Variants in ACYP2 observed in about 807,000 individuals in gnomAD.
ACYP2 encodes acylphosphatase-2.
ACYP2 carries 12 observed loss-of-function variants against 11.2 expected under a neutral mutation model. The ratio of observed to expected loss-of-function variants is 1.08; its 90% CI spans 0.69 to 1.74. The LOEUF (loss-of-function observed/expected upper bound fraction) is 1.74, where lower values mean the gene tolerates loss of function less well. ACYP2 is among the 40% of genes most tolerant of loss of function. The pLI is 0.00. For missense variants in ACYP2, 134 were observed against 101.9 expected (o/e 1.31, Z -1.35); for synonymous variants, 43 against 32.2 (o/e 1.33, Z -1.13).
At chr2:54,011,640 A>G (rs1673378460) in intron 2 of ACYP2, among the ~76,000 whole-genome samples, 1 of 152,208 alleles carries the variant, frequency 6.6e-6, no homozygotes, top group Admixed American at 6.5e-5. Flanking sequence ...GTCATTTAGC[A>G]ATAAGCTTTT....
At chr2:54,071,057 A>G (rs985137349) in intron 4 of ACYP2, among the ~76,000 whole-genome samples, 4 of 152,110 alleles carry the variant, frequency 2.6e-5, no homozygotes, top group African/African-American at 9.7e-5. Context: ...CGGCCTCAAA[A>G]GCTTTTCTTT....
chr2:54,009,988 C>G (rs1429599762), intron 2 of ACYP2, among the ~76,000 whole-genome samples: 1 of 152,102 alleles, frequency 6.6e-6, no homozygotes, highest in Non-Finnish European at 1.5e-5. Context: ...CAGCTTTAAC[C>G]TCAGTCCTAC....
At chr2:54,165,779 A>G (rs529102953) in intron 6 of ACYP2, among the ~76,000 whole-genome samples, 19 of 152,270 alleles carry the variant, frequency 1.2e-4, no homozygotes, top group African/African-American at 4.3e-4. Context: ...CCCAAGGGAA[A>G]GTCAGTGCAT....
At chr2:54,048,144 G>A (rs1454546674) in intron 2 of ACYP2, among the ~76,000 whole-genome samples, 2 of 152,040 alleles carry the variant, frequency 1.3e-5, no homozygotes, top group African/African-American at 4.8e-5. Context: ...AGTTTTTGTA[G>A]GCCAGGCGCA....
intron 6 of ACYP2, among the ~76,000 whole-genome samples, chr2:54,220,822 C>A (rs1685769424): frequency 6.6e-6 from 1 of 152,164 alleles, no homozygotes; most frequent in Admixed American, 6.5e-5. Flanking sequence ...ACCACAAGAT[C>A]TTTTCTTTCA....
intron 6 of ACYP2, among the ~76,000 whole-genome samples, chr2:54,139,384 A>C (rs978532897): frequency 1.3e-5 from 2 of 152,142 alleles, no homozygotes; most frequent in Non-Finnish European, 1.5e-5. Flanking sequence ...AATGAGCTGG[A>C]GGGTTACCAA....
chr2:54,012,298 G>A (rs1306617596), intron 2 of ACYP2, among the ~76,000 whole-genome samples: 2 of 150,646 alleles, frequency 1.3e-5, no homozygotes, highest in Non-Finnish European at 2.9e-5. Context: ...TTAAGTTTAG[G>A]AGTTCAAGAC....
intron 6 of ACYP2, among the ~76,000 whole-genome samples, chr2:54,257,048 T>C (rs553597178): frequency 3.2e-4 from 48 of 152,178 alleles, no homozygotes; most frequent in Admixed American, 5.9e-4. Flanking sequence ...ATTTTCCCCT[T>C]TACCTTAGTG....
chr2:54,255,338 C>T (rs755366945), intron 6 of ACYP2: 3 of 1,614,172 alleles, frequency 1.9e-6, no homozygotes, highest in Non-Finnish European at 2.5e-6. Context: ...CTTAACATCT[C>T]GGCATCTTGG....
intron 1 of ACYP2, among the ~76,000 whole-genome samples, chr2:53,973,197 G>A (rs990566807): frequency 6.6e-5 from 10 of 152,192 alleles, no homozygotes; most frequent in Non-Finnish European, 1.0e-4. Flanking sequence ...TTGATAAAGC[G>A]CATAAGAACA....
chr2:54,003,626 C>T (rs1161352711), intron 2 of ACYP2, among the ~76,000 whole-genome samples: 1 of 152,168 alleles, frequency 6.6e-6, no homozygotes, highest in African/African-American at 2.4e-5. Flanking sequence ...TTTATATATC[C>T]ATTTACCTAT....
chr2:54,041,485 C>A (rs115379325), intron 2 of ACYP2, among the ~76,000 whole-genome samples: 2,196 of 152,108 alleles, frequency 0.014, 28 homozygotes, highest in African/African-American at 0.033. Context: ...AATAAAAGGG[C>A]CAGGGAAATT....
At chr2:54,019,242 A>C (rs1330819638) in intron 2 of ACYP2, among the ~76,000 whole-genome samples, 2 of 150,680 alleles carry the variant, frequency 1.3e-5, no homozygotes, top group Non-Finnish European at 3.0e-5. Context: ...AATTTTTAAA[A>C]ATATTTTTTG....
chr2:54,273,878 G>A (rs745806859), intron 6 of ACYP2, among the ~76,000 whole-genome samples: 3 of 152,152 alleles, frequency 2.0e-5, no homozygotes, highest in Non-Finnish European at 4.4e-5. Context: ...ACTACCAATA[G>A]TTACAAACAA....
intron 6 of ACYP2, among the ~76,000 whole-genome samples, chr2:54,161,044 T>C (rs1682687432): frequency 1.3e-5 from 2 of 152,220 alleles, no homozygotes; most frequent in South Asian, 4.1e-4. Context: ...CGTAAATTCT[T>C]GGGGTCCACA....
intron 6 of ACYP2, among the ~76,000 whole-genome samples, chr2:54,248,306 ATTAT>A (rs966401648): frequency 1.3e-5 from 2 of 152,210 alleles, no homozygotes; most frequent in Admixed American, 6.5e-5. Flanking sequence ...TTAGCCAATT[ATTAT>A]TTATTGACCA....
chr2:54,070,325 A>G (rs2103646606), intron 4 of ACYP2, among the ~76,000 whole-genome samples: 2 of 152,178 alleles, frequency 1.3e-5, no homozygotes, highest in South Asian at 4.2e-4. Flanking sequence ...TCTGCTCTGC[A>G]GGTGTCCAGT....
At chr2:54,058,928 T>A (rs957560959) in intron 4 of ACYP2, among the ~76,000 whole-genome samples, 10 of 152,176 alleles carry the variant, frequency 6.6e-5, no homozygotes, top group African/African-American at 2.4e-4. Flanking sequence ...GGCTGGTATC[T>A]TCCCCACTGG....
At chr2:54,157,683 C>A (rs957173108) in intron 6 of ACYP2, among the ~76,000 whole-genome samples, 2 of 152,162 alleles carry the variant, frequency 1.3e-5, no homozygotes, top group African/African-American at 2.4e-5. Context: ...AAACAATAAA[C>A]AAGATACAAG....
Sources: allele counts gnomAD v4.1 joint callset (sites outside exome capture counted in the v4.1 genomes callset), GRCh38; gene constraint gnomAD v4.1.1; transcripts MANE v1.5; gene names NCBI Gene and HGNC (gene_info 2026-07-23, HGNC 2026-07-21).